GATB: variants seen among roughly 807,000 people sequenced by gnomAD.
The protein encoded by GATB is glutamyl-tRNA(Gln) amidotransferase subunit B, mitochondrial.
In GATB, 39 loss-of-function variants were observed where a neutral mutation model predicts 62.3. The ratio of observed to expected loss-of-function variants is 0.63; its 90% CI spans 0.48 to 0.82. GATB has a LOEUF of 0.82. Ranked by LOEUF, GATB falls within the 40% of genes least tolerant of loss-of-function variation. GATB has a pLI of 0.00. For synonymous variants in GATB, 276 were observed against 258.9 expected (o/e 1.07, Z -0.63); for missense variants, 670 against 684.0 (o/e 0.98, Z 0.23).
intron 10 of GATB, among the ~76,000 whole-genome samples, chr4:151,682,358 G>A (rs1288870516): frequency 2.0e-5 from 3 of 152,124 alleles, no homozygotes; most frequent in Non-Finnish European, 2.9e-5. Context: ...CACAGACCCC[G>A]AAAGACCCCA....
At chr4:151,735,884 G>T (rs979494249) in intron 2 of GATB, among the ~76,000 whole-genome samples, 13 of 151,474 alleles carry the variant, frequency 8.6e-5, no homozygotes, top group Non-Finnish European at 1.6e-4. Context: ...GAGTGGGAAG[G>T]GGGCAAGGGA....
chr4:151,697,961 A>ATATATATATATATATATATGTGTATG (rs1738514374), intron 9 of GATB, among the ~76,000 whole-genome samples: 1 of 58,462 alleles, frequency 1.7e-5, no homozygotes, highest in African/African-American at 6.2e-5. Flanking sequence ...GTGTATATAT[A>ATATATATATATATATATATGTGTATG]TATATATATA....
At chr4:151,743,368 C>G (rs994721385) in intron 2 of GATB, among the ~76,000 whole-genome samples, 11 of 152,178 alleles carry the variant, frequency 7.2e-5, no homozygotes, top group Non-Finnish European at 5.9e-5. Context: ...GATCTCACAC[C>G]TAGAGGGCAT....
At chr4:151,691,402 G>A (rs1738364190) in intron 9 of GATB, among the ~76,000 whole-genome samples, 1 of 152,154 alleles carries the variant, frequency 6.6e-6, no homozygotes. Flanking sequence ...ACAGCTCTAT[G>A]ACTGGGAAGC....
intron 2 of GATB, chr4:151,720,853 G>A (rs1384479874): frequency 3.4e-5 from 5 of 149,044 alleles, no homozygotes; most frequent in African/African-American, 1.0e-4. Flanking sequence ...CTGGGATGAC[G>A]AGTGTAGACC....
intron 5 of GATB, among the ~76,000 whole-genome samples, chr4:151,714,578 CT>C (rs1320727814): frequency 1.3e-5 from 2 of 152,240 alleles, no homozygotes. Flanking sequence ...CTGTCACTGA[CT>C]GATGAGTTCT....
intron 9 of GATB, among the ~76,000 whole-genome samples, chr4:151,694,865 A>C (rs113227096): frequency 2.6e-3 from 403 of 152,362 alleles, no homozygotes; most frequent in African/African-American, 9.2e-3. Context: ...ATTCTTGAAA[A>C]ACAATCCACT....
intron 9 of GATB, among the ~76,000 whole-genome samples, chr4:151,692,885 G>A (rs1738394303): frequency 6.6e-6 from 1 of 152,214 alleles, no homozygotes; most frequent in African/African-American, 2.4e-5. Context: ...TGCCTGTGAT[G>A]GGAGCTGCTG....
chr4:151,732,580 C>A (rs867872313), intron 2 of GATB, among the ~76,000 whole-genome samples: 26 of 152,156 alleles, frequency 1.7e-4, no homozygotes, highest in Middle Eastern at 3.4e-3. Context: ...ACAAACACTG[C>A]GGAAGGCTGC....
In GATB at chr4:151,760,954, C is replaced by A; in HGVS notation, c.29G>T (p.Cys10Phe). The A allele has an allele frequency of 2.5e-6, 4 of 1,613,110 alleles. No individual in the cohort carries two copies. Among genetic ancestry groups the A allele is most frequent in the Non-Finnish European group, 3.4e-6 (4 of 1,179,774 alleles). The change falls in exon 1 of 13, where the codon TGC becomes TTC. Residue 10 changes from cysteine (C) to phenylalanine (F), a missense_variant. Coordinates refer to ENST00000263985, the MANE Select transcript of GATB (RefSeq NM_004564.3). ...GGCGAAAGCCCAACGTCTTCCACGGCAGCCCCAGCGCAGCATGGGCGCCGC... is the reference window on the plus strand; with the variant it reads ...GGCGAAAGCCCAACGTCTTCCACGGAAGCCCCAGCGCAGCATGGGCGCCGC... MAAPMLRWG[C>F]RGRRWAFARV... is the part of the protein sequence containing the mutation.
intron 2 of GATB, among the ~76,000 whole-genome samples, chr4:151,734,360 A>C (rs1159192133): frequency 6.6e-6 from 1 of 152,136 alleles, no homozygotes; most frequent in Non-Finnish European, 1.5e-5. Flanking sequence ...CAAAAAAAAA[A>C]AAAAATACTT....
Position 151,670,951 on chromosome 4 carries a change from TGGATGAAGCA to T in GATB, c.*213_*222del. On this transcript the variant is annotated 3_prime_UTR_variant, in exon 13 of 13. Transcript: ENST00000263985. Reference sequence around the variant, plus strand: ...GCAGCCTCACCGGACCCTCCTGATGTGGATGAAGCAGGCGGGGTGGCTGCTGGTCGGCTGT... The same window carrying T: ...GCAGCCTCACCGGACCCTCCTGATGTGGCGGGGTGGCTGCTGGTCGGCTGT... 1.8e-6 allele frequency: 1 copy of T among 540,908 alleles called. No homozygotes were observed. The highest frequency in any genetic ancestry group is 2.9e-5 in the South Asian group (1 of 34,580). The allele number at this position is 540,908 out of a possible 1,614,324, so 33.5% of individuals were successfully genotyped here.
chr4:151,737,916 G>A lies in GATB; in HGVS notation c.328-18378C>T, dbSNP rs2082055. 2.9e-3 allele frequency among the ~76,000 whole-genome samples: 440 copies of A among 152,318 alleles called. 7 individuals carry two copies. The highest frequency in any genetic ancestry group is 0.023 in the Admixed American group (356 of 15,298). ...TTTCAGACGATGTATAGAAATGCCT[G>A]GATGTCCAGGCAAAAGTTTGCTGCA... On this transcript the variant is annotated intron_variant, in intron 2 of 12. Transcript: ENST00000263985.
chr4:151,692,163 G>A (rs1255557906), intron 9 of GATB, among the ~76,000 whole-genome samples: 2 of 152,172 alleles, frequency 1.3e-5, no homozygotes, highest in African/African-American at 2.4e-5. Context: ...TGAGCTCAGC[G>A]CTCTCAGGAC....
chr4:151,705,335 T>C, intron 6 of GATB, 66 bp from the exon 7 acceptor site: 1 of 985,114 alleles, frequency 1.0e-6, no homozygotes, highest in Non-Finnish European at 1.6e-6. Context: ...AAGCAATAAT[T>C]AGAAACAACC....
At position 151,672,320 on chromosome 4, in the gene GATB, C is replaced by G. The variant is rs12640030; in HGVS notation, c.1545+442G>C. 1.3e-4 allele frequency among the ~76,000 whole-genome samples: 20 copies of G among 152,246 alleles called. No homozygotes were observed. The East Asian group carries it at 3.7e-3, about 28-fold the overall frequency. ...TACTTTTCCCTTCTGCCTTTCTTCC[C>G]ACCTCTTAGAAGCATGAAGCTGAAG... is the stretch of plus-strand genomic sequence containing the variant. On this transcript the variant is annotated intron_variant, in intron 12 of 12. Transcript: ENST00000263985.
Position 151,694,655 on chromosome 4 carries a change from C to T in GATB, c.1198-5892G>A, listed in dbSNP as rs557566980. 7.2e-4 allele frequency among the ~76,000 whole-genome samples: 110 copies of T among 152,304 alleles called. 1 individual carries two copies. The highest frequency in any genetic ancestry group is 2.6e-3 in the African/African-American group (106 of 41,552). ...GTTGACCAAATAGATTTTCCTTCAA[C>T]AGTAGTTAGAAGGTGAGTACTTTGC... On this transcript the variant is annotated intron_variant, in intron 9 of 12. Transcript: ENST00000263985.
At chr4:151,690,186 A>G (rs1359336970) in intron 9 of GATB, among the ~76,000 whole-genome samples, 1 of 152,202 alleles carries the variant, frequency 6.6e-6, no homozygotes, top group East Asian at 1.9e-4. Context: ...AAGTGTAGCT[A>G]TTGCAGCTGC....
intron 11 of GATB, chr4:151,673,740 T>G (rs1737935121): frequency 6.6e-6 from 1 of 152,246 alleles, no homozygotes; most frequent in African/African-American, 2.4e-5. Flanking sequence ...ATTTCTCTTG[T>G]CTTCTAGCGA....
Sources: gnomAD v4.1 joint callset for allele counts (sites outside exome capture counted in the v4.1 genomes callset) on GRCh38, gnomAD v4.1.1 for gene constraint, MANE v1.5 for transcripts, NCBI Gene and HGNC (gene_info 2026-07-23, HGNC 2026-07-21) for gene names.